The following LY6S variants were observed in gnomAD, a reference collection of about 807,000 sequenced individuals.
The protein encoded by LY6S is lymphocyte antigen 6 family member S.
At chr8:143,061,296 G>T in the LY6S span, among the ~76,000 whole-genome samples, 1 of 151,804 alleles carries the variant, frequency 6.6e-6, no homozygotes, top group Non-Finnish European at 1.5e-5. Flanking sequence ...AAAAGAATGG[G>T]AAAAGATACA....
the LY6S span, chr8:143,065,782 TTTTTCTTTC>T: frequency 1.6e-4 from 5 of 30,438 alleles, no homozygotes; most frequent in African/African-American, 6.2e-4. Context: ...TCTTTCTTTC[TTTTTCTTTC>T]TTTCTTTCTT....
the LY6S span, among the ~76,000 whole-genome samples, chr8:143,049,704 C>T: frequency 6.6e-6 from 1 of 152,194 alleles, no homozygotes; most frequent in Admixed American, 6.5e-5. Context: ...CCATTTCACC[C>T]CCTCCTTATG....
chr8:143,074,375 C>G, the LY6S span, among the ~76,000 whole-genome samples: 29,300 of 151,876 alleles, frequency 0.19, 3,725 homozygotes, highest in East Asian at 0.34. Context: ...TCTATCTTTT[C>G]TCTGTGCTTT....
At chr8:143,071,195 A>ACGGAATACAGACTCAGGAGGCG in the LY6S span, among the ~76,000 whole-genome samples, 30 of 130,808 alleles carry the variant, frequency 2.3e-4, no homozygotes, top group African/African-American at 1.0e-3. Context: ...AAGACCCGGC[A>ACGGAATACAGACTCAGGAGGCG]GCATGGATGT....
At chr8:143,050,692 T>C in the LY6S span, among the ~76,000 whole-genome samples, 1 of 152,120 alleles carries the variant, frequency 6.6e-6, no homozygotes, top group Admixed American at 6.5e-5. Flanking sequence ...CCTAACTCGT[T>C]CCAGGGTTGC....
At chr8:143,054,198 TG>T in the LY6S span, 8 of 145,758 alleles carry the variant, frequency 5.5e-5, no homozygotes, top group Non-Finnish European at 1.0e-4. Context: ...CCCAGCTACT[TG>T]GGAGGCTGAG....
the LY6S span, chr8:143,044,961 T>A: frequency 5.9e-6 from 4 of 681,144 alleles, no homozygotes; most frequent in South Asian, 7.9e-5. Flanking sequence ...TGCCTGCAAC[T>A]GGCAGCCTGC....
the LY6S span, among the ~76,000 whole-genome samples, chr8:143,070,141 T>C: frequency 9.9e-5 from 15 of 151,812 alleles, no homozygotes; most frequent in Non-Finnish European, 1.8e-4. Context: ...TCTGTCACGG[T>C]TGCCCCTCTG....
the LY6S span, among the ~76,000 whole-genome samples, chr8:143,050,058 A>G: frequency 6.6e-6 from 1 of 152,058 alleles, no homozygotes; most frequent in African/African-American, 2.4e-5. Context: ...TGTGGGAGAA[A>G]CGTCTCATCT....
At chr8:143,052,080 G>A in the LY6S span, among the ~76,000 whole-genome samples, 1 of 151,934 alleles carries the variant, frequency 6.6e-6, no homozygotes, top group Non-Finnish European at 1.5e-5. Flanking sequence ...AGGAGATGGA[G>A]ACCATCCTGG....
chr8:143,056,417 A>G, the LY6S span, among the ~76,000 whole-genome samples: 1 of 152,002 alleles, frequency 6.6e-6, no homozygotes, highest in African/African-American at 2.4e-5. Flanking sequence ...ATATTTTTCT[A>G]TATGCTAATT....
the LY6S span, among the ~76,000 whole-genome samples, chr8:143,074,146 T>C: frequency 1.0e-3 from 158 of 152,344 alleles, no homozygotes; most frequent in African/African-American, 3.6e-3. Flanking sequence ...TGGAGTTTGA[T>C]AAGCCTATTG....
the LY6S span, chr8:143,049,161 G>T: frequency 1.9e-6 from 1 of 534,520 alleles, no homozygotes; most frequent in East Asian, 5.4e-5. Context: ...CTTGGCTCGG[G>T]GACACCTGTG....
At chr8:143,074,180 C>CA in the LY6S span, among the ~76,000 whole-genome samples, 1 of 152,134 alleles carries the variant, frequency 6.6e-6, no homozygotes, top group African/African-American at 2.4e-5. Context: ...TGTCTCTTAC[C>CA]AATTTTGGAA....
chr8:143,070,780 C>A, the LY6S span, among the ~76,000 whole-genome samples: 1 of 151,992 alleles, frequency 6.6e-6, no homozygotes, highest in Non-Finnish European at 1.5e-5. Context: ...CCACCGTGCC[C>A]GGCCGCAGTT....
the LY6S span, among the ~76,000 whole-genome samples, chr8:143,065,707 T>G: frequency 7.1e-3 from 1,083 of 152,218 alleles, 3 homozygotes; most frequent in Non-Finnish European, 0.01. Context: ...GCGCAGGACT[T>G]GTGTGTGGCC....
At chr8:143,073,861 A>T in the LY6S span, among the ~76,000 whole-genome samples, 31 of 142,614 alleles carry the variant, frequency 2.2e-4, no homozygotes, top group African/African-American at 7.7e-4. Flanking sequence ...GTTTGAGGAG[A>T]CAGCCATCGT....
chr8:143,045,159 G>A, the LY6S span, among the ~76,000 whole-genome samples: 2 of 152,092 alleles, frequency 1.3e-5, no homozygotes, highest in Non-Finnish European at 1.5e-5. The surrounding 1 kb of genome is among the most constrained non-coding windows in gnomAD (Gnocchi z 5.3). Context: ...CCGGAACACC[G>A]AAGCCCGCCA....
the LY6S span, among the ~76,000 whole-genome samples, chr8:143,070,446 G>GTATA: frequency 1.4e-5 from 1 of 69,536 alleles, no homozygotes; most frequent in African/African-American, 8.5e-5. Context: ...TATATATATT[G>GTATA]TATATATATA....
Sources: gnomAD v4.1 joint callset for allele counts (sites outside exome capture counted in the v4.1 genomes callset) on GRCh38, gnomAD v4.1.1 for gene constraint, Gnocchi (gnomAD v3.1) non-coding constraint, MANE v1.5 for transcripts, NCBI Gene and HGNC (gene_info 2026-07-23, HGNC 2026-07-21) for gene names.